DUSP16: variants seen among roughly 807,000 people sequenced by gnomAD.
The protein encoded by DUSP16 is dual specificity phosphatase 16.
A neutral mutation model predicts 58.3 loss-of-function variants in DUSP16; 21 were observed. The observed-to-expected ratio is 0.36, with a 90% CI of 0.26 to 0.52. The LOEUF (loss-of-function observed/expected upper bound fraction) is 0.52. DUSP16 is among the 20% of genes least tolerant of loss of function. DUSP16 has a pLI of 0.94. For missense variants in DUSP16, 726 were observed against 819.0 expected, an observed-to-expected ratio of 0.89 and a Z score of 1.39; for synonymous variants, 320 against 323.8, an observed-to-expected ratio of 0.99 and a Z score of 0.12.
intron 3 of DUSP16, among the ~76,000 whole-genome samples, chr12:12,505,915 C>T (rs1465066270): frequency 1.3e-5 from 2 of 152,198 alleles, no homozygotes; most frequent in Admixed American, 6.5e-5. Flanking sequence ...GATTTAGCTG[C>T]AATCAGAACA....
chr12:12,497,454 G>A lies in DUSP16; in HGVS notation c.531+3065C>T, dbSNP rs563707616. Among the ~76,000 whole-genome samples the A allele has an allele frequency of 3.5e-4, 53 of 152,144 alleles. No individual in the cohort carries two copies. The Middle Eastern group carries it at 0.017, about 49-fold the overall frequency. On this transcript the variant is annotated intron_variant, in intron 4 of 6. Coordinates refer to ENST00000298573, the MANE Select transcript of DUSP16 (RefSeq NM_030640.3). ...TGGGACTTAAAATTACAGCAGCCTC[G>A]GTTTACATTTGATCTGTGCCACTGA...
chr12:12,498,403 T>TTTATTTAG (rs1190818241), intron 4 of DUSP16, among the ~76,000 whole-genome samples: 1 of 150,000 alleles, frequency 6.7e-6, no homozygotes, highest in Admixed American at 6.6e-5. Context: ...TTTTTTATTA[T>TTTATTTAG]TTATTTATTT....
chr12:12,477,772 C>T lies in DUSP16; in HGVS notation c.1059G>A (p.Arg353=). ...DSATSEAAGQ[R]PVHPASVPSV... ...TGGGCACGCTGGCGGGATGCACGGGCCTTTGTCCTGCTGCCTCTGAGGTAG... is the reference window on the plus strand; with the variant it reads ...TGGGCACGCTGGCGGGATGCACGGGTCTTTGTCCTGCTGCCTCTGAGGTAG... The change falls in exon 7 of 7, where the codon AGG becomes AGA. Residue 353 remains arginine (R), a synonymous_variant. Coordinates refer to ENST00000298573, the MANE Select transcript of DUSP16 (RefSeq NM_030640.3). The surrounding 1 kb of genome is among the most constrained non-coding windows in gnomAD (Gnocchi z 4.1). 6.2e-7 allele frequency: 1 copy of T among 1,613,860 alleles called. No homozygotes were observed. The highest frequency in any genetic ancestry group is 8.5e-7 in the Non-Finnish European group (1 of 1,179,966).
At position 12,476,136 on chromosome 12, in the gene DUSP16, G is replaced by A. The variant is rs1262048285; in HGVS notation, c.*697C>T. 1.3e-5 allele frequency: 2 copies of A among 152,602 alleles called. No individual in the cohort carries two copies. Among genetic ancestry groups the A allele is most frequent in the African/African-American group, 4.8e-5 (2 of 41,422 alleles). The allele number at this position is 152,602 out of a possible 1,614,324, so 9.5% of individuals were successfully genotyped here. Reference sequence around the variant, plus strand: ...TTTTGTGCATAGACAGTTTGAATTGGTCTGAAAAGTGTGACTAGCTACCTA... The same window carrying A: ...TTTTGTGCATAGACAGTTTGAATTGATCTGAAAAGTGTGACTAGCTACCTA... On this transcript the variant is annotated 3_prime_UTR_variant, in exon 7 of 7. Transcript: ENST00000298573.
intron 3 of DUSP16, among the ~76,000 whole-genome samples, 184 bp downstream of exon 3, chr12:12,519,678 C>A (rs984801783): frequency 6.6e-5 from 10 of 152,110 alleles, no homozygotes; most frequent in African/African-American, 1.9e-4. Flanking sequence ...AATACACTGA[C>A]CTATGTGGAA....
intron 1 of DUSP16, among the ~76,000 whole-genome samples, chr12:12,523,164 A>G (rs79149111): frequency 0.017 from 2,584 of 152,318 alleles, 73 homozygotes; most frequent in African/African-American, 0.057. Context: ...AACCTTGGAC[A>G]AATCACATAA....
At chr12:12,483,743 C>T (rs780486844) in intron 5 of DUSP16, among the ~76,000 whole-genome samples, 1 of 152,056 alleles carries the variant, frequency 6.6e-6, no homozygotes, top group Non-Finnish European at 1.5e-5. Flanking sequence ...ATAGCACAAA[C>T]GGGCAAACTC....
chr12:12,522,009 A>T (rs1944244413), intron 1 of DUSP16, among the ~76,000 whole-genome samples: 1 of 152,242 alleles, frequency 6.6e-6, no homozygotes, highest in African/African-American at 2.4e-5. Context: ...CGCAAACAGC[A>T]GCCTTTTAAA....
intron 1 of DUSP16, among the ~76,000 whole-genome samples, chr12:12,560,493 A>G (rs1944882031): frequency 6.6e-6 from 1 of 152,216 alleles, no homozygotes; most frequent in Admixed American, 6.5e-5. Context: ...AAAAATTTTA[A>G]TGCAACTTTC....
chr12:12,477,659 T>G lies in DUSP16; in HGVS notation c.1172A>C (p.Glu391Ala). The G allele has an allele frequency of 2.5e-6, 4 of 1,614,140 alleles. No individual in the cohort carries two copies. Among genetic ancestry groups the G allele is most frequent in the Non-Finnish European group, 2.5e-6 (3 of 1,180,000 alleles). ...SGLHLSADRL[E>A]DSNKLKRSFS... Reference sequence around the variant, plus strand: ...GGAACGCTTGAGCTTATTGCTGTCTTCCAGCCTGTCTGCGGACAGGTGCAG... The same window carrying G: ...GGAACGCTTGAGCTTATTGCTGTCTGCCAGCCTGTCTGCGGACAGGTGCAG... The change falls in exon 7 of 7, where the codon GAA becomes GCA. Residue 391 changes from glutamate to alanine, a missense_variant. Coordinates refer to ENST00000298573, the MANE Select transcript of DUSP16 (RefSeq NM_030640.3). The surrounding 1 kb of genome is among the most constrained non-coding windows in gnomAD (Gnocchi z 4.1).
chr12:12,555,249 G>A (rs1418524772), intron 1 of DUSP16, among the ~76,000 whole-genome samples: 2 of 152,236 alleles, frequency 1.3e-5, no homozygotes, highest in Admixed American at 1.3e-4. Flanking sequence ...GGTGAGGTCA[G>A]AGACCCCGTT....
At chr12:12,498,549 G>A (rs1943864681) in intron 4 of DUSP16, among the ~76,000 whole-genome samples, 1 of 151,876 alleles carries the variant, frequency 6.6e-6, no homozygotes, top group Non-Finnish European at 1.5e-5. Flanking sequence ...CAAGTAGCTG[G>A]AACTACAGGC....
At chr12:12,547,624 T>C (rs186548372) in intron 1 of DUSP16, among the ~76,000 whole-genome samples, 109 of 136,898 alleles carry the variant, frequency 8.0e-4, no homozygotes, top group African/African-American at 2.8e-3. Context: ...ATATCCACCA[T>C]AGGACTTGTG....
intron 5 of DUSP16, among the ~76,000 whole-genome samples, chr12:12,484,892 G>C (rs1410055174): frequency 6.6e-6 from 1 of 152,088 alleles, no homozygotes; most frequent in Middle Eastern, 3.2e-3. Context: ...GATTACAGGC[G>C]TAAGCCACCA....
chr12:12,521,470 G>A lies in DUSP16; in HGVS notation c.-365-7C>T, dbSNP rs774390407. 200 of 1,053,360 alleles carry A rather than the reference G, an allele frequency of 1.9e-4. No homozygotes were observed. Among genetic ancestry groups the A allele is most frequent in the Non-Finnish European group, 2.1e-4 (187 of 870,362 alleles). The allele number at this position is 1,053,360 out of a possible 1,614,324, so 65.3% of individuals were successfully genotyped here. ...TTTACACTGGACTGAAAGCCTACGCGGAGAGAGAAAGACAGAAAACAAAAC... is the reference window on the plus strand; with the variant it reads ...TTTACACTGGACTGAAAGCCTACGCAGAGAGAGAAAGACAGAAAACAAAAC... On this transcript the variant is annotated splice_region_variant and splice_polypyrimidine_tract_variant and intron_variant, in intron 1 of 6. Transcript: ENST00000298573.
chr12:12,520,953 T>G lies in DUSP16; in HGVS notation c.146A>C (p.Asn49Thr). Residue 49 changes from asparagine (N) to threonine (T), a missense_variant, in exon 2 of 7, where the codon AAC (asparagine) becomes ACC (threonine). Asn to Thr is a moderately conservative substitution (Grantham distance 65). Coordinates refer to ENST00000298573, the MANE Select transcript of DUSP16 (RefSeq NM_030640.3). ...CCTTCGCTTCATAAGCTTGGAGCAG[T>G]TGATATTAATGGCTTCCAAAATGTG... is the stretch of plus-strand genomic sequence containing the variant. Reference protein sequence around the residue: ...TSHILEAININCSKLMKRRLQ... With the variant: ...TSHILEAINITCSKLMKRRLQ... The G allele has an allele frequency of 1.9e-6, 3 of 1,614,224 alleles. No homozygotes were observed. Among genetic ancestry groups the G allele is most frequent in the Non-Finnish European group, 1.7e-6 (2 of 1,180,036 alleles).
At chr12:12,529,692 C>T (rs954232306) in intron 1 of DUSP16, among the ~76,000 whole-genome samples, 1 of 152,190 alleles carries the variant, frequency 6.6e-6, no homozygotes, top group Non-Finnish European at 1.5e-5. Context: ...CTTCCCCTCC[C>T]CATTAAACAT....
chr12:12,536,528 T>C (rs35045758), intron 1 of DUSP16, among the ~76,000 whole-genome samples: 30,598 of 152,078 alleles, frequency 0.2, 4,042 homozygotes, highest in Admixed American at 0.27. Flanking sequence ...ATGGATCACC[T>C]GAAGTTAGGA....
chr12:12,550,268 G>A (rs555593710), intron 1 of DUSP16, among the ~76,000 whole-genome samples: 1 of 128,758 alleles, frequency 7.8e-6, no homozygotes, highest in East Asian at 2.0e-4. Flanking sequence ...GTGAGACTCC[G>A]TCTCAAAAAA....
Sources: allele counts gnomAD v4.1 joint callset (sites outside exome capture counted in the v4.1 genomes callset), GRCh38; gene constraint gnomAD v4.1.1; non-coding constraint Gnocchi (gnomAD v3.1); transcripts MANE v1.5; gene names NCBI Gene and HGNC (gene_info 2026-07-23, HGNC 2026-07-21).